NAA11: variants seen among roughly 807,000 people sequenced by gnomAD.
The protein encoded by NAA11 is N-alpha-acetyltransferase 11, NatA catalytic subunit.
In NAA11, 15 loss-of-function variants were observed where a neutral mutation model predicts 16.1. That is an observed-to-expected ratio of 0.93 (90% CI 0.62 to 1.44). The LOEUF is 1.44. Ranked by LOEUF, NAA11 falls within the 40% of genes most tolerant of loss-of-function variation. The pLI is 0.00. For synonymous variants in NAA11, 122 were observed against 112.4 expected (o/e 1.09, Z -0.54); for missense variants, 298 against 291.3 (o/e 1.02, Z -0.17).
chr4:79,246,215 T>G (rs1235957068), intron 2 of NAA11, among the ~76,000 whole-genome samples: 8 of 152,076 alleles, frequency 5.3e-5, no homozygotes, highest in Admixed American at 3.9e-4. Flanking sequence ...TAATCTCAAG[T>G]ACCCAGGGAC....
At position 79,317,248 on chromosome 4, in the gene NAA11, A is replaced by AG. The variant is rs1723952115; in HGVS notation, c.*555dup. 1 of 152,036 alleles carries AG rather than the reference A, an allele frequency of 6.6e-6. No individual in the cohort carries two copies. The highest frequency in any genetic ancestry group is 2.1e-4 in the South Asian group (1 of 4,822). 9.4% of individuals were successfully genotyped at this position (152,036 alleles called of 1,614,324 possible). On this transcript the variant is annotated 3_prime_UTR_variant, in exon 2 of 2. Transcript: ENST00000286794. ...ATGCCCTCCTCCTCAAAAAAAAGGG[A>AG]GGGGGGAATAGTATAAAGGAGGAGT... is the stretch of plus-strand genomic sequence containing the variant.
chr4:79,303,726 C>T (rs567347518), intron 1 of NAA11, among the ~76,000 whole-genome samples: 1 of 152,324 alleles, frequency 6.6e-6, no homozygotes, highest in African/African-American at 2.4e-5. Flanking sequence ...GACGTTACCA[C>T]TCTGTCAGAC....
rs141177286 is a variant in NAA11, at chr4:79,264,909, C to T, written c.*122+29096G>A. ...CAACTTCTTTATTATTGCTAGATCC[C>T]ATTGATAAGGTCTCTGCATTTTGAA... is the stretch of plus-strand genomic sequence containing the variant. On this transcript the variant is annotated intron_variant and NMD_transcript_variant, in intron 2 of 2. Transcript: ENST00000511542. Among the ~76,000 whole-genome samples the T allele has an allele frequency of 3.0e-3, 457 of 152,256 alleles. 2 individuals are homozygous for T. The highest frequency in any genetic ancestry group is 0.014 in the Middle Eastern group (4 of 294).
chr4:79,213,136 G>C, the NAA11 span, among the ~76,000 whole-genome samples: 4 of 152,156 alleles, frequency 2.6e-5, no homozygotes, highest in African/African-American at 9.7e-5. Context: ...TGTTTTGGGT[G>C]GGGCTATCAA....
At chr4:79,220,762 T>A (rs1406122750), downstream of NAA11, among the ~76,000 whole-genome samples, 2 of 152,238 alleles carry the variant, frequency 1.3e-5, no homozygotes, top group African/African-American at 4.8e-5. Context: ...TACCATGCTG[T>A]TTTGGTTACT....
At chr4:79,207,505 C>T in the NAA11 span, among the ~76,000 whole-genome samples, 1 of 151,852 alleles carries the variant, frequency 6.6e-6, no homozygotes, top group Non-Finnish European at 1.5e-5. Flanking sequence ...AAGAAGTCAA[C>T]ATCTTCAGGC....
chr4:79,321,854 G>T (rs1047388616), intron 1 of NAA11, among the ~76,000 whole-genome samples: 1 of 152,120 alleles, frequency 6.6e-6, no homozygotes, highest in African/African-American at 2.4e-5. Context: ...CTATATCAAT[G>T]AAATTGTTTT....
chr4:79,256,785 T>C (rs546748129), intron 2 of NAA11, among the ~76,000 whole-genome samples: 40 of 151,560 alleles, frequency 2.6e-4, no homozygotes, highest in Non-Finnish European at 5.0e-4. Context: ...CCTGAGTAGC[T>C]GGGACCACAG....
chr4:79,190,455 C>CT, the NAA11 span, among the ~76,000 whole-genome samples: 1 of 6,706 alleles, frequency 1.5e-4, no homozygotes, highest in African/African-American at 2.8e-4. Context: ...CTTGTCTCTC[C>CT]CTTTTTTTTT....
At chr4:79,158,002 G>A in the NAA11 span, among the ~76,000 whole-genome samples, 6 of 149,010 alleles carry the variant, frequency 4.0e-5, no homozygotes, top group African/African-American at 1.5e-4. Flanking sequence ...CCGGGTTCAC[G>A]CCATTCTCCT....
At chr4:79,183,156 A>C in the NAA11 span, among the ~76,000 whole-genome samples, 1 of 152,140 alleles carries the variant, frequency 6.6e-6, no homozygotes, top group Non-Finnish European at 1.5e-5. Flanking sequence ...CTCTATGTGA[A>C]GAAAATTAAC....
the NAA11 span, among the ~76,000 whole-genome samples, chr4:79,173,690 G>A: frequency 1.3e-5 from 2 of 152,054 alleles, no homozygotes; most frequent in African/African-American, 2.4e-5. Flanking sequence ...TCTCGTGGGG[G>A]AGAACAACGG....
intron 1 of NAA11, among the ~76,000 whole-genome samples, chr4:79,309,642 G>GGAGT (rs930029874): frequency 1.4e-4 from 21 of 150,786 alleles, no homozygotes; most frequent in African/African-American, 4.9e-4. Context: ...AAACAGCACT[G>GGAGT]GAGTGTTTTC....
chr4:79,219,255 G>A, the NAA11 span, among the ~76,000 whole-genome samples: 2 of 152,262 alleles, frequency 1.3e-5, no homozygotes, highest in East Asian at 1.9e-4. Flanking sequence ...ATGAAGAGTA[G>A]TCATTATTTC....
intron 1 of NAA11, chr4:79,299,560 A>G (rs1283811501): frequency 6.6e-6 from 1 of 152,214 alleles, no homozygotes; most frequent in Non-Finnish European, 1.5e-5. Context: ...GGTTTTTTAT[A>G]TCAAATCTTG....
chr4:79,234,488 G>A (rs563702990), intron 2 of NAA11, among the ~76,000 whole-genome samples: 1 of 152,276 alleles, frequency 6.6e-6, no homozygotes, highest in African/African-American at 2.4e-5. Flanking sequence ...GTACTTTGCA[G>A]ACAGTATAAA....
At chr4:79,167,270 T>TATAGAG in the NAA11 span, among the ~76,000 whole-genome samples, 1,826 of 98,418 alleles carry the variant, frequency 0.019, 34 homozygotes, top group Non-Finnish European at 0.024. Context: ...TATATATATA[T>TATAGAG]AGAGAGAGAG....
At chr4:79,274,541 T>C (rs1266998108) in intron 2 of NAA11, among the ~76,000 whole-genome samples, 1 of 152,132 alleles carries the variant, frequency 6.6e-6, no homozygotes, top group Non-Finnish European at 1.5e-5. Context: ...TAAGGATTAA[T>C]GCTGGACTGC....
At chr4:79,308,099 A>G (rs544256336) in intron 1 of NAA11, among the ~76,000 whole-genome samples, 4 of 142,154 alleles carry the variant, frequency 2.8e-5, no homozygotes, top group South Asian at 4.3e-4. Context: ...GAAGAAGGGG[A>G]AAAAAATCCT....
Sources: allele counts gnomAD v4.1 joint callset (sites outside exome capture counted in the v4.1 genomes callset), GRCh38; gene constraint gnomAD v4.1.1; transcripts MANE v1.5; gene names NCBI Gene and HGNC (gene_info 2026-07-23, HGNC 2026-07-21).